Variants in ELOVL6 observed in about 807,000 individuals in gnomAD.
The protein encoded by ELOVL6 is very long chain fatty acid elongase 6.
Under a neutral mutation model 31.7 loss-of-function variants are expected in ELOVL6, and 8 were observed. The observed-to-expected ratio is 0.25, with a 90% CI of 0.15 to 0.45. The LOEUF (loss-of-function observed/expected upper bound fraction) is 0.45. Among genes scored for constraint, ELOVL6 ranks in the 20% least tolerant of loss-of-function variants. The pLI, the probability that ELOVL6 is intolerant of heterozygous loss-of-function variation, is 1.00. For synonymous variants in ELOVL6, 101 were observed against 117.7 expected (o/e 0.86, Z 0.92); for missense variants, 126 against 326.4 (o/e 0.39, Z 4.73).
intron 1 of ELOVL6, among the ~76,000 whole-genome samples, chr4:110,179,803 A>G (rs1036342740): frequency 6.6e-6 from 1 of 152,238 alleles, no homozygotes; most frequent in African/African-American, 2.4e-5. Context: ...TAGATATGAT[A>G]AACTATAAAC....
chr4:110,155,152 C>A (rs1758378901), intron 1 of ELOVL6, among the ~76,000 whole-genome samples: 1 of 152,032 alleles, frequency 6.6e-6, no homozygotes, highest in African/African-American at 2.4e-5. Context: ...ATTTTTTAAA[C>A]TTCTATGAAC....
rs73839518 is a variant in ELOVL6 at position 110,050,146 on chromosome 4, C to T, written c.*1192G>A. 3 of 152,704 alleles carry T rather than the reference C, an allele frequency of 2.0e-5. No homozygotes were observed. The highest frequency in any genetic ancestry group is 7.2e-5 in the African/African-American group (3 of 41,564). 9.5% of individuals were successfully genotyped at this position (152,704 alleles called of 1,614,324 possible). On this transcript the variant is annotated 3_prime_UTR_variant, in exon 4 of 4. Transcript: ENST00000302274. ...CTCAGCCAGCAGAGGGCCCTTTAAA[C>T]ACCTCTACATTGCTTGGGGAGCAAA...
intron 1 of ELOVL6, among the ~76,000 whole-genome samples, chr4:110,111,118 C>A (rs1038207341): frequency 9.9e-5 from 15 of 152,244 alleles, no homozygotes; most frequent in African/African-American, 3.6e-4. Flanking sequence ...GGAAAGTATA[C>A]CCCTCTTAGA....
intron 1 of ELOVL6, among the ~76,000 whole-genome samples, chr4:110,124,696 G>T (rs1175778655): frequency 6.6e-6 from 1 of 150,666 alleles, no homozygotes; most frequent in Non-Finnish European, 1.5e-5. Context: ...TTCTGCACAT[G>T]TATCCTGGAA....
chr4:110,054,037 G>T (rs747458226), intron 3 of ELOVL6, among the ~76,000 whole-genome samples: 5 of 152,244 alleles, frequency 3.3e-5, no homozygotes, highest in Admixed American at 1.3e-4. Context: ...GGAGGCGGAG[G>T]TTGCAGTGAG....
intron 2 of ELOVL6, among the ~76,000 whole-genome samples, chr4:110,063,383 C>A (rs1201926664): frequency 6.6e-6 from 1 of 151,400 alleles, no homozygotes; most frequent in South Asian, 2.1e-4. Context: ...TTGGAGCAGT[C>A]GAAGTTGGCC....
Position 110,059,725 on chromosome 4 carries a change from T to C in ELOVL6, c.251A>G (p.Tyr84Cys). The change falls in exon 3 of 4, where the codon TAT (tyrosine) becomes TGT (cysteine). Residue 84 changes from tyrosine to cysteine, a missense_variant. By Grantham distance (194) the Tyr-to-Cys change is radical (BLOSUM62 -2). This residue lies in a region of ELOVL6 where 53 missense variants were observed against 193.4 expected (regional missense o/e 0.27). Coordinates refer to ENST00000302274, the MANE Select transcript of ELOVL6 (RefSeq NM_024090.3). ...TTTGGTCATCAAAATGTACACCATATAAGCACCAGTTCGAAGAGCACCGAA... is the reference window on the plus strand; with the variant it reads ...TTTGGTCATCAAAATGTACACCATACAAGCACCAGTTCGAAGAGCACCGAA... ...SIFGALRTGAYMVYILMTKGL... is the reference protein window; with the variant it reads ...SIFGALRTGACMVYILMTKGL... 1 of 1,613,952 alleles carries C rather than the reference T, an allele frequency of 6.2e-7. No individual in the cohort carries two copies. Among genetic ancestry groups the C allele is most frequent in the East Asian group, 2.2e-5 (1 of 44,852 alleles).
At position 110,050,790 on chromosome 4, in the gene ELOVL6, C is replaced by T. The variant is rs529441324; in HGVS notation, c.*548G>A. 1 of 154,782 alleles carries T rather than the reference C, an allele frequency of 6.5e-6. No individual in the cohort carries two copies. Among genetic ancestry groups the T allele is most frequent in the African/African-American group, 2.4e-5 (1 of 41,584 alleles). The allele number at this position is 154,782 out of a possible 1,614,324, so 9.6% of individuals were successfully genotyped here. A position where few individuals can be genotyped will look rare whatever the true frequency, so the allele number is the denominator to read the frequency against. On this transcript the variant is annotated 3_prime_UTR_variant, in exon 4 of 4. Transcript: ENST00000302274. ...ACATCTTTTCTCATGGGGTCTACAGCAGCTGGCATTTCTTAAAAAGGCTTT... is the reference window on the plus strand; with the variant it reads ...ACATCTTTTCTCATGGGGTCTACAGTAGCTGGCATTTCTTAAAAAGGCTTT...
At chr4:110,184,048 TTGAG>T (rs1560861882) in intron 1 of ELOVL6, among the ~76,000 whole-genome samples, 1 of 152,162 alleles carries the variant, frequency 6.6e-6, no homozygotes, top group Non-Finnish European at 1.5e-5. Flanking sequence ...AATAGATAGT[TTGAG>T]TATCTAGAAA....
intron 2 of ELOVL6, among the ~76,000 whole-genome samples, chr4:110,096,213 G>A (rs1265892487): frequency 6.6e-6 from 1 of 152,164 alleles, no homozygotes; most frequent in African/African-American, 2.4e-5. Context: ...TGAAGAAGGA[G>A]CTATTAATAA....
intron 2 of ELOVL6, among the ~76,000 whole-genome samples, chr4:110,103,577 T>C (rs891886160): frequency 3.3e-5 from 5 of 152,220 alleles, no homozygotes; most frequent in Non-Finnish European, 7.3e-5. Context: ...TTTCTTCTTA[T>C]AGAAAGCCTC....
chr4:110,106,160 C>T (rs1025127704), intron 1 of ELOVL6, among the ~76,000 whole-genome samples: 1 of 152,038 alleles, frequency 6.6e-6, no homozygotes, highest in Admixed American at 6.6e-5. Flanking sequence ...AGTTTGAGAC[C>T]AGACTGGCCA....
chr4:110,132,913 G>T (rs1399425878), intron 1 of ELOVL6, among the ~76,000 whole-genome samples: 1 of 152,050 alleles, frequency 6.6e-6, no homozygotes, highest in Non-Finnish European at 1.5e-5. Context: ...TACTCCCAGA[G>T]ATGGAAAGAA....
chr4:110,158,862 C>T (rs1758551953), intron 1 of ELOVL6, among the ~76,000 whole-genome samples: 4 of 151,458 alleles, frequency 2.6e-5, no homozygotes, highest in South Asian at 4.2e-4. Flanking sequence ...GGTTTCGCCA[C>T]GTTGGCCAGG....
chr4:110,149,064 G>A (rs1758209819), intron 1 of ELOVL6, among the ~76,000 whole-genome samples: 1 of 152,168 alleles, frequency 6.6e-6, no homozygotes, highest in Non-Finnish European at 1.5e-5. Context: ...GTTTCACCAT[G>A]TTGCTGAGGC....
chr4:110,132,697 G>C (rs572234783), intron 1 of ELOVL6, among the ~76,000 whole-genome samples: 31 of 152,060 alleles, frequency 2.0e-4, no homozygotes, highest in Non-Finnish European at 4.4e-4. Context: ...AAAATTAGCT[G>C]AGTGTGGTCG....
chr4:110,185,248 G>A (rs1039890855), intron 1 of ELOVL6, among the ~76,000 whole-genome samples: 1 of 152,214 alleles, frequency 6.6e-6, no homozygotes, highest in Admixed American at 6.5e-5. Flanking sequence ...TGCAAGAGCA[G>A]TAATTCAAAA....
chr4:110,086,420 A>G (rs1756265597), intron 2 of ELOVL6, among the ~76,000 whole-genome samples: 1 of 152,246 alleles, frequency 6.6e-6, no homozygotes, highest in Admixed American at 6.5e-5. Flanking sequence ...AGGCATGTGA[A>G]TCTCTTACAT....
intron 2 of ELOVL6, among the ~76,000 whole-genome samples, chr4:110,084,559 C>CTTTTT (rs1560815775): frequency 1.8e-5 from 1 of 56,628 alleles, no homozygotes; most frequent in African/African-American, 1.1e-4. Flanking sequence ...CACACACACA[C>CTTTTT]ACAGATATAT....
Sources: allele counts gnomAD v4.1 joint callset (sites outside exome capture counted in the v4.1 genomes callset), GRCh38; gene constraint gnomAD v4.1.1; regional missense constraint gnomAD v4.1.1; transcripts MANE v1.5; gene names NCBI Gene and HGNC (gene_info 2026-07-23, HGNC 2026-07-21).